Variants in DERA observed in about 807,000 individuals in gnomAD.
DERA encodes 2-deoxy-D-ribose 5-phosphate aldolase.
A neutral mutation model predicts 41.1 loss-of-function variants in DERA; 15 were observed. That is an observed-to-expected ratio of 0.37 (90% CI 0.24 to 0.56). The LOEUF (loss-of-function observed/expected upper bound fraction) is 0.56, where lower values mean the gene tolerates loss of function less well. Among genes scored for constraint, DERA ranks in the 20% least tolerant of loss-of-function variants. The pLI, the probability that DERA is intolerant of heterozygous loss-of-function variation, is 0.81. For synonymous variants in DERA, 139 were observed against 137.4 expected (o/e 1.01, Z -0.08); for missense variants, 396 against 403.4 (o/e 0.98, Z 0.16).
chr12:16,023,413 A>G (rs1190020804), intron 6 of DERA, among the ~76,000 whole-genome samples: 1 of 151,720 alleles, frequency 6.6e-6, no homozygotes, highest in East Asian at 1.9e-4. Flanking sequence ...CCAATATATC[A>G]TGCATAGCTT....
chr12:15,944,340 C>T (rs888733492), intron 1 of DERA, among the ~76,000 whole-genome samples: 9 of 152,194 alleles, frequency 5.9e-5, no homozygotes, highest in African/African-American at 2.2e-4. Flanking sequence ...TTTACACTCC[C>T]AACAACAGTG....
chr12:16,020,342 T>C lies in DERA; in HGVS notation c.638-12200T>C, dbSNP rs965335657. On this transcript the variant is annotated intron_variant, in intron 6 of 8. Transcript: ENST00000428559. The surrounding 1 kb of genome is among the most constrained non-coding windows in gnomAD (Gnocchi z 5.5). ...CACCAGATCTCATATTAACTCACTA[T>C]TGCGAGAACAGCACGAAAGGGGAAA... Among the ~76,000 whole-genome samples the C allele has an allele frequency of 6.6e-6, 1 of 152,142 alleles. No individual in the cohort carries two copies. The highest frequency in any genetic ancestry group is 2.4e-5 in the African/African-American group (1 of 41,432).
intron 6 of DERA, among the ~76,000 whole-genome samples, chr12:16,025,166 G>A (rs922495782): frequency 1.3e-5 from 2 of 152,022 alleles, no homozygotes; most frequent in African/African-American, 4.8e-5. Context: ...CCAAAAAAAT[G>A]CAACAAATGG....
intron 4 of DERA, among the ~76,000 whole-genome samples, chr12:15,960,636 C>CAAAAAAAAA (rs1163104277): frequency 3.8e-4 from 11 of 28,716 alleles, no homozygotes; most frequent in Admixed American, 6.0e-4. Context: ...GACTCCGTCT[C>CAAAAAAAAA]AAAAAAAAAA....
At chr12:16,028,344 T>C (rs1023630289) in intron 6 of DERA, among the ~76,000 whole-genome samples, 6 of 152,168 alleles carry the variant, frequency 3.9e-5, no homozygotes, top group African/African-American at 1.4e-4. Flanking sequence ...ATAAAATAAA[T>C]AAGGTAGTGA....
rs998441380 is a variant in DERA at position 15,954,997 on chromosome 12, G to GA, written c.32-1928dup. On this transcript the variant is annotated intron_variant, in intron 1 of 8. Coordinates refer to ENST00000428559, the MANE Select transcript of DERA (RefSeq NM_015954.4). This position sits in a 1 kb window ranked among gnomAD's most constrained non-coding sequence, Gnocchi z 4.0. ...ATCAGCATTATCAATCATCTGAGGA[G>GA]AAAAAAAAAAAGCCTCTTAGGGCTG... Among the ~76,000 whole-genome samples the GA allele has an allele frequency of 2.2e-3, 307 of 142,746 alleles. 2 individuals are homozygous for GA. Among genetic ancestry groups the GA allele is most frequent in the African/African-American group, 6.9e-3 (271 of 39,156 alleles). The allele number at this position is 142,746 out of a possible 152,430, so 93.6% of individuals were successfully genotyped here. A position where few individuals can be genotyped will look rare whatever the true frequency, so the allele number is the denominator to read the frequency against.
chr12:15,949,365 C>G (rs571687511), intron 1 of DERA, among the ~76,000 whole-genome samples: 1 of 152,304 alleles, frequency 6.6e-6, no homozygotes, highest in African/African-American at 2.4e-5. Context: ...AGCTTCCCAG[C>G]AGCTCTGTTT....
chr12:15,968,751 G>A (rs751322670), intron 5 of DERA, among the ~76,000 whole-genome samples: 1 of 152,184 alleles, frequency 6.6e-6, no homozygotes, highest in Non-Finnish European at 1.5e-5. Flanking sequence ...ATATCATCCT[G>A]TTGCTTGGCC....
chr12:16,036,784 G>A lies in DERA; in HGVS notation c.*38G>A, dbSNP rs1187048205. 2.0e-5 allele frequency: 29 copies of A among 1,457,922 alleles called. No homozygotes were observed. The highest frequency in any genetic ancestry group is 2.5e-5 in the Non-Finnish European group (27 of 1,066,808). The allele number at this position is 1,457,922 out of a possible 1,614,324, so 90.3% of individuals were successfully genotyped here. ...TTCCAGAAAAGTTCTTTACGACAATGTTTAAAAATTATTTTTCTACGTAAT... is the reference window on the plus strand; with the variant it reads ...TTCCAGAAAAGTTCTTTACGACAATATTTAAAAATTATTTTTCTACGTAAT... On this transcript the variant is annotated 3_prime_UTR_variant, in exon 9 of 9. Transcript: ENST00000428559. This position sits in a 1 kb window ranked among gnomAD's most constrained non-coding sequence, Gnocchi z 4.9.
intron 6 of DERA, among the ~76,000 whole-genome samples, chr12:16,006,684 A>G (rs190128028): frequency 5.9e-5 from 9 of 152,380 alleles, no homozygotes; most frequent in Admixed American, 1.3e-4. Flanking sequence ...GTGTCTGCCT[A>G]TCTCTCAGAA....
At position 15,965,605 on chromosome 12, in the gene DERA, G is replaced by C. The variant is rs79432403; in HGVS notation, c.508+2658G>C. On this transcript the variant is annotated intron_variant, in intron 5 of 8. Transcript: ENST00000428559. The surrounding 1 kb of genome is among the most constrained non-coding windows in gnomAD (Gnocchi z 4.1). ...AGTCCACAGTTTAGGGTATGAATTCGAGGAGACTGGAGTTTGGGGGTGGGG... is the reference window on the plus strand; with the variant it reads ...AGTCCACAGTTTAGGGTATGAATTCCAGGAGACTGGAGTTTGGGGGTGGGG... 0.013 allele frequency among the ~76,000 whole-genome samples: 1,993 copies of C among 152,104 alleles called. 44 individuals are homozygous for C. The highest frequency in any genetic ancestry group is 0.046 in the African/African-American group (1,920 of 41,466).
Position 16,020,371 on chromosome 12 carries a change from ACCCCC to A in DERA, c.638-12170_638-12166del. Among the ~76,000 whole-genome samples, 1 of 152,114 alleles carries A rather than the reference ACCCCC, an allele frequency of 6.6e-6. No individual in the cohort carries two copies. Among genetic ancestry groups the A allele is most frequent in the South Asian group, 2.1e-4 (1 of 4,812 alleles). ...GAGAACAGCACGAAAGGGGAAATCTACCCCCATGATCCAATCTCTTCCTACCAGAG... is the reference window on the plus strand; with the variant it reads ...GAGAACAGCACGAAAGGGGAAATCTAATGATCCAATCTCTTCCTACCAGAG... On this transcript the variant is annotated intron_variant, in intron 6 of 8. Coordinates refer to ENST00000428559, the MANE Select transcript of DERA (RefSeq NM_015954.4). This position sits in a 1 kb window ranked among gnomAD's most constrained non-coding sequence, Gnocchi z 5.5.
chr12:15,963,138 C>T (rs1160091415), intron 5 of DERA, among the ~76,000 whole-genome samples, 191 bp downstream of exon 5: 2 of 152,178 alleles, frequency 1.3e-5, no homozygotes, highest in Non-Finnish European at 2.9e-5. Flanking sequence ...CAGTTGCCTA[C>T]CTACATGAAC....
intron 6 of DERA, among the ~76,000 whole-genome samples, chr12:16,023,239 A>G (rs555540917): frequency 6.6e-6 from 1 of 152,290 alleles, no homozygotes; most frequent in African/African-American, 2.4e-5. Context: ...CTCTCTGAAG[A>G]GGAATTTTAG....
intron 1 of DERA, 98 bp from the exon 2 acceptor site, chr12:15,956,838 T>A (rs769675377): frequency 3.3e-6 from 3 of 907,026 alleles, no homozygotes; most frequent in South Asian, 1.3e-5. Flanking sequence ...AAGGTTGATG[T>A]CAAATGATAA....
intron 1 of DERA, among the ~76,000 whole-genome samples, chr12:15,919,081 A>C (rs1362775853): frequency 6.6e-6 from 1 of 152,168 alleles, no homozygotes; most frequent in Non-Finnish European, 1.5e-5. Context: ...GTGAATGCTA[A>C]CTACTTTGAT....
At position 15,990,809 on chromosome 12, in the gene DERA, GT is replaced by G. The variant is rs1394034420; in HGVS notation, c.637+8374del. Among the ~76,000 whole-genome samples the G allele has an allele frequency of 6.6e-6, 1 of 152,010 alleles. No homozygotes were observed. The highest frequency in any genetic ancestry group is 2.4e-5 in the African/African-American group (1 of 41,402). The stretch of plus-strand genomic sequence containing the variant: ...ATTCTTTTTTTATGGCTGGATAGTA[GT>G]CCATGGTGCATATATATACACCACA... On this transcript the variant is annotated intron_variant, in intron 6 of 8. Coordinates refer to ENST00000428559, the MANE Select transcript of DERA (RefSeq NM_015954.4). This position sits in a 1 kb window ranked among gnomAD's most constrained non-coding sequence, Gnocchi z 4.3.
At chr12:15,912,205 G>T (rs952305862) in intron 1 of DERA, among the ~76,000 whole-genome samples, 5 of 151,902 alleles carry the variant, frequency 3.3e-5, no homozygotes, top group Non-Finnish European at 7.4e-5. Context: ...TAAGATTAGG[G>T]AGTGGTGATG....
At chr12:15,942,006 A>T (rs563545071) in intron 1 of DERA, among the ~76,000 whole-genome samples, 169 of 152,308 alleles carry the variant, frequency 1.1e-3, no homozygotes, top group South Asian at 2.7e-3. Context: ...CCTTTTCACC[A>T]CATTTATATC....
Sources: gnomAD v4.1 joint callset for allele counts (sites outside exome capture counted in the v4.1 genomes callset) on GRCh38, gnomAD v4.1.1 for gene constraint, Gnocchi (gnomAD v3.1) non-coding constraint, MANE v1.5 for transcripts, NCBI Gene and HGNC (gene_info 2026-07-23, HGNC 2026-07-21) for gene names.